GRID2: variants seen among roughly 807,000 people sequenced by gnomAD.
The protein encoded by GRID2 is glutamate ionotropic receptor delta type subunit 2.
GRID2 carries 33 observed loss-of-function variants against 114.8 expected under a neutral mutation model. The ratio of observed to expected loss-of-function variants is 0.29; its 90% CI spans 0.22 to 0.38. The LOEUF (loss-of-function observed/expected upper bound fraction) is 0.38, where lower values mean the gene tolerates loss of function less well. Ranked by LOEUF, GRID2 falls within the 10% of genes least tolerant of loss-of-function variation. The probability of loss-of-function intolerance (pLI) is 1.00; values close to 1 mark genes in which losing one functional copy is unlikely to be tolerated. For synonymous variants in GRID2, 505 were observed against 449.9 expected (o/e 1.12, Z -1.55); for missense variants, 1,184 against 1,257.7 (o/e 0.94, Z 0.89).
chr4:92,902,106 A>G (rs1747624233), intron 2 of GRID2, among the ~76,000 whole-genome samples: 1 of 152,178 alleles, frequency 6.6e-6, no homozygotes, highest in South Asian at 2.1e-4. Flanking sequence ...AGCAGAAACC[A>G]CAATTACATT....
intron 10 of GRID2, among the ~76,000 whole-genome samples, chr4:93,440,187 A>G (rs943892870): frequency 1.3e-5 from 2 of 152,028 alleles, no homozygotes; most frequent in African/African-American, 4.8e-5. Context: ...AGTCTTACAT[A>G]TTTTCATTAC....
chr4:92,753,486 C>T (rs1737554661), intron 2 of GRID2, among the ~76,000 whole-genome samples: 1 of 152,180 alleles, frequency 6.6e-6, no homozygotes, highest in South Asian at 2.1e-4. Context: ...CATCCTTATG[C>T]ATCCTGTTTT....
intron 2 of GRID2, among the ~76,000 whole-genome samples, chr4:92,676,666 A>G (rs1733389723): frequency 6.6e-6 from 1 of 152,048 alleles, no homozygotes; most frequent in African/African-American, 2.4e-5. Context: ...ATTTTTCACA[A>G]AATTTTCATT....
intron 2 of GRID2, among the ~76,000 whole-genome samples, chr4:92,593,386 T>A (rs1043189585): frequency 1.3e-5 from 2 of 152,044 alleles, no homozygotes; most frequent in African/African-American, 4.8e-5. Flanking sequence ...CACTGTATCT[T>A]TCTACTGTTA....
At chr4:93,395,882 TCA>T (rs1293446991) in intron 9 of GRID2, among the ~76,000 whole-genome samples, 174 bp downstream of exon 9, 1 of 152,024 alleles carries the variant, frequency 6.6e-6, no homozygotes, top group African/African-American at 2.4e-5. Context: ...TGGATCAGGA[TCA>T]CAGTTTTGCA....
chr4:92,368,544 C>T (rs1035069911), intron 1 of GRID2, among the ~76,000 whole-genome samples: 1 of 152,154 alleles, frequency 6.6e-6, no homozygotes, highest in African/African-American at 2.4e-5. Context: ...TACTTGCTTA[C>T]AGCTTAGTTT....
intron 4 of GRID2, among the ~76,000 whole-genome samples, chr4:93,150,406 A>G: frequency 6.6e-6 from 1 of 152,162 alleles, no homozygotes; most frequent in East Asian, 1.9e-4. Context: ...TGGACACAAC[A>G]GGTAGCACGG....
At chr4:92,424,045 T>C (rs1286354283) in intron 1 of GRID2, among the ~76,000 whole-genome samples, 44 of 152,110 alleles carry the variant, frequency 2.9e-4, no homozygotes, top group Admixed American at 2.9e-3. Flanking sequence ...TATTACATAG[T>C]ATGGCAAGTG....
intron 14 of GRID2, among the ~76,000 whole-genome samples, chr4:93,728,168 A>G (rs552411161): frequency 1.3e-5 from 2 of 152,004 alleles, no homozygotes; most frequent in South Asian, 2.1e-4. Context: ...TGTGTCCCAG[A>G]GATTCTGGTA....
At chr4:92,782,905 A>C (rs2149359629) in intron 2 of GRID2, among the ~76,000 whole-genome samples, 1 of 152,152 alleles carries the variant, frequency 6.6e-6, no homozygotes, top group South Asian at 2.1e-4. Flanking sequence ...TTTATAGGGA[A>C]ACTTAACAGG....
intron 2 of GRID2, among the ~76,000 whole-genome samples, chr4:92,667,060 T>C (rs1468240013): frequency 1.3e-5 from 2 of 151,538 alleles, no homozygotes; most frequent in Non-Finnish European, 1.5e-5. Context: ...CTACCTGCCA[T>C]AGAGTTTGTT....
At chr4:93,002,947 T>G (rs760416226) in intron 2 of GRID2, among the ~76,000 whole-genome samples, 27 of 151,954 alleles carry the variant, frequency 1.8e-4, no homozygotes, top group Non-Finnish European at 3.4e-4. Context: ...GACTACATCC[T>G]TTTCCTTCCA....
chr4:92,399,758 A>G (rs969353375), intron 1 of GRID2, among the ~76,000 whole-genome samples: 1 of 151,360 alleles, frequency 6.6e-6, no homozygotes, highest in Non-Finnish European at 1.5e-5. Context: ...ATATTATTTT[A>G]TTGTAATTAG....
chr4:93,682,274 G>A (rs1409147997), intron 14 of GRID2, among the ~76,000 whole-genome samples: 2 of 148,760 alleles, frequency 1.3e-5, no homozygotes, highest in Non-Finnish European at 3.0e-5. Flanking sequence ...TAAAAAGTCA[G>A]GAAACAACAG....
intron 4 of GRID2, among the ~76,000 whole-genome samples, chr4:93,147,032 G>A (rs990395599): frequency 6.6e-6 from 1 of 152,088 alleles, no homozygotes; most frequent in Non-Finnish European, 1.5e-5. Context: ...AATGTATTCC[G>A]TAAAGGTCTA....
intron 13 of GRID2, among the ~76,000 whole-genome samples, chr4:93,575,179 A>G (rs7675772): frequency 0.16 from 23,815 of 152,212 alleles, 2,487 homozygotes; most frequent in Middle Eastern, 0.28. Context: ...GTGTGAGGTG[A>G]CAACACAGTC....
chr4:93,579,942 C>T (rs17020800), intron 13 of GRID2, among the ~76,000 whole-genome samples: 2 of 152,256 alleles, frequency 1.3e-5, no homozygotes, highest in East Asian at 1.9e-4. Flanking sequence ...ATCTGTCATT[C>T]GGATCATCTC....
chr4:93,728,583 G>C (rs1229516235), intron 14 of GRID2, among the ~76,000 whole-genome samples: 1 of 152,090 alleles, frequency 6.6e-6, no homozygotes, highest in African/African-American at 2.4e-5. Flanking sequence ...GTTGACAGTG[G>C]GGTGTTAAAG....
intron 2 of GRID2, among the ~76,000 whole-genome samples, chr4:92,687,699 C>G (rs374727969): frequency 1.3e-5 from 2 of 151,876 alleles, no homozygotes; most frequent in Non-Finnish European, 2.9e-5. Flanking sequence ...CGTTGTGGCC[C>G]GCGCCTATAA....
Sources: gnomAD v4.1 joint callset for allele counts (sites outside exome capture counted in the v4.1 genomes callset) on GRCh38, gnomAD v4.1.1 for gene constraint, MANE v1.5 for transcripts, NCBI Gene and HGNC (gene_info 2026-07-23, HGNC 2026-07-21) for gene names.